The following CACNA1E variants were observed in gnomAD, a reference collection of about 807,000 sequenced individuals.
CACNA1E encodes calcium voltage-gated channel subunit alpha1 E, also known as voltage-dependent R-type calcium channel subunit alpha-1E.
A neutral mutation model predicts 259.2 loss-of-function variants in CACNA1E; 40 were observed. The observed-to-expected ratio is 0.15, with a 90% CI of 0.12 to 0.20. CACNA1E has a LOEUF of 0.20. CACNA1E is among the 10% of genes least tolerant of loss of function. CACNA1E has a pLI of 1.00. For synonymous variants in CACNA1E, 1,104 were observed against 1,138.5 expected (o/e 0.97, Z 0.61); for missense variants, 1,874 against 3,040.1 (o/e 0.62, Z 9.02).
At position 181,591,593 on chromosome 1, in the gene CACNA1E, G is replaced by T. The variant is rs571210566; in HGVS notation, c.951+10817G>T. ...TATTAAATATATACAATATATTTAT[G>T]CCAGAAGATGTCTCATTTTTGTAAG... On this transcript the variant is annotated intron_variant, in intron 6 of 47. Transcript: ENST00000367573. Among the ~76,000 whole-genome samples, 11 of 151,868 alleles carry T rather than the reference G, an allele frequency of 7.2e-5. 1 individual carries two copies. In the South Asian group the frequency reaches 2.3e-3, roughly 32 times the overall value.
chr1:181,733,453 G>T lies in CACNA1E; in HGVS notation c.2965G>T (p.Val989Leu). The T allele has an allele frequency of 6.5e-7, 1 of 1,538,256 alleles. No homozygotes were observed. The highest frequency in any genetic ancestry group is 2.3e-5 in the East Asian group (1 of 43,240). ...QDLRRTNSLMVSRGSGLAGGL... is the reference protein window; with the variant it reads ...QDLRRTNSLMLSRGSGLAGGL... ...TCTTCACAGGACCAACAGTCTGATG[G>T]TGTCCAGAGGCTCCGGGCTGGCAGG... Residue 989 changes from valine (V) to leucine (L), a missense_variant, in exon 21 of 48, where the codon GTG (valine) becomes TTG (leucine). Val to Leu is a conservative substitution (Grantham distance 32). This residue lies in a region of CACNA1E where 476 missense variants were observed against 514.0 expected (regional missense o/e 0.93). Transcript: ENST00000367573.
At chr1:181,766,472 G>T in intron 34 of CACNA1E, 74 bp from the exon 35 acceptor site, 6 of 1,020,972 alleles carry the variant, frequency 5.9e-6, no homozygotes, top group Non-Finnish European at 9.3e-6. Flanking sequence ...ATCCTGTACT[G>T]CCGGTGACTG....
At chr1:181,337,751 CTCA>C (rs1557923017) in intron 1 of CACNA1E, among the ~76,000 whole-genome samples, 1 of 152,196 alleles carries the variant, frequency 6.6e-6, no homozygotes, top group Non-Finnish European at 1.5e-5. Flanking sequence ...TCTTTATCCA[CTCA>C]TCCATCGGTA....
At position 181,802,281 on chromosome 1, in the gene CACNA1E, T is replaced by G. The variant is rs369428127; in HGVS notation, c.*3447T>G. On this transcript the variant is annotated 3_prime_UTR_variant, in exon 48 of 48. Coordinates refer to ENST00000367573, the MANE Select transcript of CACNA1E (RefSeq NM_001205293.3). ...CTTCACTTGTAGTTCCTATTCAATG[T>G]CTCCATAGGGCACTGAGATCACCAA... 2 of 152,160 alleles carry G rather than the reference T, an allele frequency of 1.3e-5. 1 individual carries two copies. Among genetic ancestry groups the G allele is most frequent in the South Asian group, 4.2e-4 (2 of 4,816 alleles). The allele number at this position is 152,160 out of a possible 1,614,324, so 9.4% of individuals were successfully genotyped here.
chr1:181,519,120 G>A (rs1309936193), intron 3 of CACNA1E, among the ~76,000 whole-genome samples: 1 of 152,134 alleles, frequency 6.6e-6, no homozygotes, highest in Non-Finnish European at 1.5e-5. Flanking sequence ...GGAAGAGGGA[G>A]GTGGGGTGAA....
At chr1:181,773,012 G>A (rs1659657653) in intron 37 of CACNA1E, among the ~76,000 whole-genome samples, 1 of 152,150 alleles carries the variant, frequency 6.6e-6, no homozygotes, top group Non-Finnish European at 1.5e-5. Flanking sequence ...AGTGTTTCTG[G>A]TCACTCTGAA....
At position 181,455,382 on chromosome 1, in the gene CACNA1E, G is replaced by A. The variant is rs113329087; in HGVS notation, c.435-28362G>A. Among the ~76,000 whole-genome samples, 200 of 152,304 alleles carry A rather than the reference G, an allele frequency of 1.3e-3. 1 individual carries two copies. Among genetic ancestry groups the A allele is most frequent in the African/African-American group, 4.5e-3 (187 of 41,554 alleles). On this transcript the variant is annotated intron_variant, in intron 2 of 11. Transcript: ENST00000524607. ...AAGGATGAGAGGATTCAATAATGTG[G>A]AGAGGTTTGGGGAGGCTTCCTCTTG...
intron 6 of CACNA1E, among the ~76,000 whole-genome samples, chr1:181,635,173 C>T (rs1045600899): frequency 6.6e-6 from 1 of 152,174 alleles, no homozygotes; most frequent in African/African-American, 2.4e-5. Context: ...AAGATCCTCC[C>T]TTAAGCTTTC....
In CACNA1E at chr1:181,798,332, C is replaced by T; in HGVS notation, c.6440C>T (p.Ser2147Phe). The change falls in exon 48 of 48, where the codon TCT becomes TTT. Residue 2147 changes from serine (S) to phenylalanine (F), a missense_variant. Coordinates refer to ENST00000367573, the MANE Select transcript of CACNA1E (RefSeq NM_001205293.3). The surrounding 1 kb of genome is among the most constrained non-coding windows in gnomAD (Gnocchi z 4.2). ...AGTGAGAGCTCCATCCCCTCTGTCT[C>T]TGACACCAGCACCCCAAGAAGAAGT... is the stretch of plus-strand genomic sequence containing the variant. Reference protein sequence around the residue: ...SLSESSIPSVSDTSTPRRSRR... With the variant: ...SLSESSIPSVFDTSTPRRSRR... 1 of 1,607,224 alleles carries T rather than the reference C, an allele frequency of 6.2e-7. No homozygotes were observed. The highest frequency in any genetic ancestry group is 8.5e-7 in the Non-Finnish European group (1 of 1,178,010).
At chr1:181,704,110 T>C (rs1329310177) in intron 7 of CACNA1E, among the ~76,000 whole-genome samples, 1 of 152,218 alleles carries the variant, frequency 6.6e-6, no homozygotes, top group East Asian at 1.9e-4. Flanking sequence ...GGCTAGCTTC[T>C]GTTTTGGCCT....
chr1:181,790,533 C>G lies in CACNA1E; in HGVS notation c.5875C>G (p.Gln1959Glu). The G allele has an allele frequency of 6.2e-7, 1 of 1,610,100 alleles. No individual in the cohort carries two copies. The change falls in exon 44 of 48, where the codon CAG (glutamine) becomes GAG (glutamate). Residue 1959 changes from glutamine to glutamate, a missense_variant. Transcript: ENST00000367573. Reference protein sequence around the residue: ...LACMDPADDGQFQERQSLEPE... With the variant: ...LACMDPADDGEFQERQSLEPE... ...TTGTATGGACCCCGCCGATGACGGA[C>G]AGTTCCAAGAACGGCAGTCTCTGGT...
In CACNA1E at chr1:181,756,031, C is replaced by T. The variant is rs759912388; in HGVS notation, c.4065C>T (p.Tyr1355=). Residue 1355 remains tyrosine, a synonymous_variant, in exon 29 of 48, where the codon TAC becomes TAT. Coordinates refer to ENST00000367573, the MANE Select transcript of CACNA1E (RefSeq NM_001205293.3). The part of the protein sequence containing the change: ...GREWKRHEFH[Y]DNIIWALLTL... ...AATGGAAGCGCCATGAATTCCACTA[C>T]GACAACATTATCTGGGCCCTGCTGA... 1.4e-5 allele frequency: 23 copies of T among 1,613,866 alleles called. No homozygotes were observed. The highest frequency in any genetic ancestry group is 5.5e-5 in the South Asian group (5 of 91,066).
At chr1:181,398,244 A>G (rs1352543076) in intron 1 of CACNA1E, among the ~76,000 whole-genome samples, 2 of 152,210 alleles carry the variant, frequency 1.3e-5, no homozygotes, top group Non-Finnish European at 2.9e-5. Flanking sequence ...ACGTGCAAGG[A>G]CCAGCTCTCC....
At chr1:181,472,363 A>G (rs1662563842) in intron 2 of CACNA1E, among the ~76,000 whole-genome samples, 1 of 152,224 alleles carries the variant, frequency 6.6e-6, no homozygotes, top group Non-Finnish European at 1.5e-5. Flanking sequence ...CTTGTGTTAA[A>G]TAAGTAGATA....
chr1:181,749,962 G>A (rs1165006272), intron 25 of CACNA1E, among the ~76,000 whole-genome samples: 1 of 152,244 alleles, frequency 6.6e-6, no homozygotes, highest in Non-Finnish European at 1.5e-5. Flanking sequence ...CTGAGTGGTT[G>A]CGTGTCCCTC....
At position 181,365,493 on chromosome 1, in the gene CACNA1E, C is replaced by T. The variant is rs145001458; in HGVS notation, c.-15+47370C>T. Among the ~76,000 whole-genome samples, 839 of 152,336 alleles carry T rather than the reference C, an allele frequency of 5.5e-3. 38 individuals carry two copies. The highest frequency in any genetic ancestry group is 0.048 in the Admixed American group (738 of 15,302). ...GGCCGATCCTAGCCTTTGAGGGTTA[C>T]CTGGCATTCGGAGACAGTTGGGTAA... On this transcript the variant is annotated intron_variant, in intron 1 of 11. Transcript: ENST00000524607.
In CACNA1E at chr1:181,757,034, T is replaced by G. The variant is rs1190443547; in HGVS notation, c.4237T>G (p.Phe1413Val). The G allele has an allele frequency of 6.2e-7, 1 of 1,613,900 alleles. No homozygotes were observed. Among genetic ancestry groups the G allele is most frequent in the Admixed American group, 1.7e-5 (1 of 60,030 alleles). ...YVVYFVVFPFFFVNIFVALII... is the reference protein window; with the variant it reads ...YVVYFVVFPFVFVNIFVALII... ...AGTCTACTTTGTGGTCTTCCCCTTC[T>G]TCTTTGTCAATATCTTTGTGGCTCT... Residue 1413 changes from phenylalanine to valine, a missense_variant, in exon 30 of 48, where the codon TTC becomes GTC. Physicochemically the swap from Phe to Val is conservative, Grantham distance 50 (BLOSUM62 -1). Transcript: ENST00000367573.
chr1:181,756,435 C>T (rs1658093452), intron 29 of CACNA1E, among the ~76,000 whole-genome samples: 1 of 152,118 alleles, frequency 6.6e-6, no homozygotes, highest in Non-Finnish European at 1.5e-5. Flanking sequence ...CAGATTTATC[C>T]TCCAGGGGGG....
intron 3 of CACNA1E, among the ~76,000 whole-genome samples, chr1:181,540,035 T>C (rs1668463077): frequency 6.6e-6 from 1 of 152,214 alleles, no homozygotes; most frequent in African/African-American, 2.4e-5. Flanking sequence ...CAGCAGATGC[T>C]CAATGAACAC....
Sources: gnomAD v4.1 joint callset for allele counts (sites outside exome capture counted in the v4.1 genomes callset) on GRCh38, gnomAD v4.1.1 for gene constraint, gnomAD v4.1.1 regional missense constraint, Gnocchi (gnomAD v3.1) non-coding constraint, MANE v1.5 for transcripts, NCBI Gene and HGNC (gene_info 2026-07-23, HGNC 2026-07-21) for gene names.